Variants in RPS6KC1 observed in about 807,000 individuals in gnomAD.
RPS6KC1 encodes inactive ribosomal protein S6 kinase delta-1.
In RPS6KC1, 54 loss-of-function variants were observed where a neutral mutation model predicts 103.8. The ratio of observed to expected loss-of-function variants is 0.52; its 90% CI spans 0.42 to 0.65. RPS6KC1 has a LOEUF of 0.65. Ranked by LOEUF, RPS6KC1 falls within the 30% of genes least tolerant of loss-of-function variation. The pLI is 0.00. For synonymous variants in RPS6KC1, 439 were observed against 438.7 expected, an observed-to-expected ratio of 1.00 and a Z score of -0.01; for missense variants, 1,151 against 1,253.8, an observed-to-expected ratio of 0.92 and a Z score of 1.24.
intron 12 of RPS6KC1, among the ~76,000 whole-genome samples, chr1:213,244,550 G>A (rs961053801): frequency 6.6e-6 from 1 of 151,932 alleles, no homozygotes; most frequent in Non-Finnish European, 1.5e-5. Context: ...CATTCTAGCA[G>A]ATTATTTTTC....
chr1:213,361,048 A>G, the RPS6KC1 span, among the ~76,000 whole-genome samples: 1 of 152,172 alleles, frequency 6.6e-6, no homozygotes, highest in Non-Finnish European at 1.5e-5. Flanking sequence ...TCAGATCTCA[A>G]ACTCCATGCT....
chr1:213,630,517 G>T, the RPS6KC1 span, among the ~76,000 whole-genome samples: 4 of 152,080 alleles, frequency 2.6e-5, no homozygotes, highest in South Asian at 8.3e-4. Context: ...CTTTGCCATG[G>T]GTTCGAACTT....
In RPS6KC1 at chr1:213,241,177, T is replaced by C. The variant is rs2094342971; in HGVS notation, c.1701T>C (p.Ala567=). 2 of 1,613,676 alleles carry C rather than the reference T, an allele frequency of 1.2e-6. No individual in the cohort carries two copies. The highest frequency in any genetic ancestry group is 1.3e-5 in the African/African-American group (1 of 74,896). The change falls in exon 11 of 15, where the codon GCT becomes GCC. Residue 567 remains alanine (A), a synonymous_variant. Coordinates refer to ENST00000366960, the MANE Select transcript of RPS6KC1 (RefSeq NM_012424.6). ...DSDSPSTQLR[A]HELKFFPNDD... is the part of the protein sequence containing the mutation. ...ACAGCCCCAGCACACAGCTGAGAGC[T>C]CACGAGCTGAAGTTCTTCCCCAACG...
intron 8 of RPS6KC1, among the ~76,000 whole-genome samples, chr1:213,198,972 C>T (rs35298070): frequency 0.054 from 8,274 of 151,930 alleles, 295 homozygotes; most frequent in Non-Finnish European, 0.088. Flanking sequence ...GTAACAGGTC[C>T]TGAAATTGAG....
At chr1:213,418,877 C>T in the RPS6KC1 span, among the ~76,000 whole-genome samples, 1 of 152,174 alleles carries the variant, frequency 6.6e-6, no homozygotes, top group African/African-American at 2.4e-5. Context: ...GTACTCAGCT[C>T]CCCCCAGCTG....
chr1:213,724,600 C>A, the RPS6KC1 span, among the ~76,000 whole-genome samples: 45 of 152,242 alleles, frequency 3.0e-4, no homozygotes, highest in Non-Finnish European at 5.7e-4. Flanking sequence ...TCCTCATGAA[C>A]AAAAGCCTGA....
chr1:213,706,662 T>C, the RPS6KC1 span, among the ~76,000 whole-genome samples: 1 of 152,190 alleles, frequency 6.6e-6, no homozygotes, highest in African/African-American at 2.4e-5. Flanking sequence ...ACCCATCACC[T>C]ACATTAGGTA....
intron 8 of RPS6KC1, among the ~76,000 whole-genome samples, chr1:213,190,782 G>A (rs2092717594): frequency 6.6e-6 from 1 of 152,022 alleles, no homozygotes. Flanking sequence ...ATAGCTTGAG[G>A]GATTAAAGTC....
the RPS6KC1 span, among the ~76,000 whole-genome samples, chr1:213,691,589 T>A: frequency 6.6e-6 from 1 of 152,360 alleles, no homozygotes; most frequent in South Asian, 2.1e-4. Context: ...GAGAAGTGTT[T>A]CGGTCTCCAA....
the RPS6KC1 span, among the ~76,000 whole-genome samples, chr1:213,784,790 T>C: frequency 6.6e-6 from 1 of 152,222 alleles, no homozygotes; most frequent in Non-Finnish European, 1.5e-5. Flanking sequence ...TTATTGTTAC[T>C]GCCTCACTTA....
the RPS6KC1 span, among the ~76,000 whole-genome samples, chr1:213,609,226 G>C: frequency 1.3e-5 from 2 of 152,172 alleles, no homozygotes; most frequent in African/African-American, 4.8e-5. Context: ...ATTGTTAAAT[G>C]AAATACTTTC....
At chr1:213,578,043 G>A in the RPS6KC1 span, among the ~76,000 whole-genome samples, 1 of 152,204 alleles carries the variant, frequency 6.6e-6, no homozygotes, top group Non-Finnish European at 1.5e-5. Context: ...TGGCTCCCCG[G>A]GCTGGGCCCA....
intron 14 of RPS6KC1, among the ~76,000 whole-genome samples, chr1:213,266,121 A>G (rs1033737145): frequency 3.3e-5 from 5 of 152,212 alleles, no homozygotes; most frequent in Admixed American, 3.3e-4. Flanking sequence ...ACGAACATTC[A>G]TGACACAGTA....
the RPS6KC1 span, among the ~76,000 whole-genome samples, chr1:213,589,901 G>T: frequency 1.1e-5 from 1 of 91,490 alleles, no homozygotes; most frequent in Non-Finnish European, 2.9e-5. Flanking sequence ...TTTTTTGTGG[G>T]CATGTGTTTT....
the RPS6KC1 span, among the ~76,000 whole-genome samples, chr1:213,336,900 G>A: frequency 6.6e-6 from 1 of 152,156 alleles, no homozygotes; most frequent in South Asian, 2.1e-4. Context: ...AAACTAAGGA[G>A]TTATGTTTTG....
chr1:213,342,228 A>G, the RPS6KC1 span, among the ~76,000 whole-genome samples: 1 of 152,126 alleles, frequency 6.6e-6, no homozygotes, highest in Non-Finnish European at 1.5e-5. Context: ...CACCTGCTTG[A>G]TCTGACAATG....
chr1:213,113,912 G>C (rs552458745), intron 4 of RPS6KC1, among the ~76,000 whole-genome samples: 1,694 of 152,174 alleles, frequency 0.011, 35 homozygotes, highest in African/African-American at 0.037. Flanking sequence ...CTGTTCCATT[G>C]ATCTATATCT....
the RPS6KC1 span, among the ~76,000 whole-genome samples, chr1:213,702,689 A>AT: frequency 2.0e-5 from 3 of 151,744 alleles, no homozygotes; most frequent in African/African-American, 7.3e-5. Flanking sequence ...TCTTCTTACA[A>AT]TTTTTTTCTT....
chr1:213,600,746 TTAAAAA>T, the RPS6KC1 span, among the ~76,000 whole-genome samples: 2 of 152,328 alleles, frequency 1.3e-5, no homozygotes, highest in African/African-American at 2.4e-5. Flanking sequence ...TTCTCATACT[TTAAAAA>T]TAAACAACCA....
Sources: allele counts gnomAD v4.1 joint callset (sites outside exome capture counted in the v4.1 genomes callset), GRCh38; gene constraint gnomAD v4.1.1; transcripts MANE v1.5; gene names NCBI Gene and HGNC (gene_info 2026-07-23, HGNC 2026-07-21).